COG7: variants seen among roughly 807,000 people sequenced by gnomAD.
COG7 encodes the protein component of oligomeric golgi complex 7.
COG7 carries 49 observed loss-of-function variants against 91.5 expected under a neutral mutation model. The ratio of observed to expected loss-of-function variants is 0.54; its 90% CI spans 0.43 to 0.68. The LOEUF is 0.68. COG7 is among the 30% of genes least tolerant of loss of function. The probability of loss-of-function intolerance (pLI) is 0.00; values close to 1 mark genes in which losing one functional copy is unlikely to be tolerated. For synonymous variants in COG7, 365 were observed against 388.7 expected, an observed-to-expected ratio of 0.94 and a Z score of 0.72; for missense variants, 895 against 961.3, an observed-to-expected ratio of 0.93 and a Z score of 0.91.
At chr16:23,419,233 G>A (rs907126712) in intron 7 of COG7, among the ~76,000 whole-genome samples, 25 of 151,890 alleles carry the variant, frequency 1.6e-4, no homozygotes, top group African/African-American at 5.3e-4. Flanking sequence ...TGGAGAAACC[G>A]AAACCTTGTC....
rs1162027722 is a variant in COG7, at chr16:23,388,961, G to A, written c.2272C>T (p.Leu758=). 2 of 1,614,052 alleles carry A rather than the reference G, an allele frequency of 1.2e-6. No homozygotes were observed. The highest frequency in any genetic ancestry group is 1.7e-6 in the Non-Finnish European group (2 of 1,180,020). ...RQVSKGLPRR[L]ATTVATMRSV... The stretch of plus-strand genomic sequence containing the variant: ...CGCATGGTGGCCACGGTGGTGGCCA[G>A]GCGACGGGGCAGGCCTTTGCTGACC... The change falls in exon 17 of 17, where the codon CTG becomes TTG. Residue 758 remains leucine (L), a synonymous_variant. Coordinates refer to ENST00000307149, the MANE Select transcript of COG7 (RefSeq NM_153603.4).
intron 13 of COG7, among the ~76,000 whole-genome samples, chr16:23,403,231 A>AAGAAAGGAAC (rs1226576012): frequency 3.3e-5 from 5 of 152,326 alleles, no homozygotes; most frequent in African/African-American, 1.2e-4. Context: ...GTATCAAGGA[A>AAGAAAGGAAC]AGAAAGGAAC....
intron 14 of COG7, among the ~76,000 whole-genome samples, chr16:23,397,732 T>C (rs973670852): frequency 1.3e-5 from 2 of 152,204 alleles, no homozygotes; most frequent in Non-Finnish European, 2.9e-5. Context: ...CAGAGAAGAA[T>C]TGGCCATCTG....
intron 2 of COG7, 52 bp from the exon 3 acceptor site, chr16:23,445,216 T>C (rs1964162549): frequency 8.0e-7 from 1 of 1,251,700 alleles, no homozygotes; most frequent in Non-Finnish European, 1.2e-6. Flanking sequence ...TTTTTCTCCA[T>C]CTGCCACCAG....
intron 7 of COG7, among the ~76,000 whole-genome samples, chr16:23,424,459 A>C (rs1046565914): frequency 6.6e-6 from 1 of 152,146 alleles, no homozygotes; most frequent in Non-Finnish European, 1.5e-5. Context: ...TACCTGCCTC[A>C]CTGTGATGCC....
intron 4 of COG7, 68 bp downstream of exon 4, chr16:23,442,409 C>G (rs1343833274): frequency 1.5e-5 from 21 of 1,355,350 alleles, no homozygotes; most frequent in Non-Finnish European, 2.0e-5. Flanking sequence ...ATTCTAAAAA[C>G]TGAAGACTTA....
intron 16 of COG7, among the ~76,000 whole-genome samples, chr16:23,391,234 G>A (rs1216754939): frequency 1.3e-5 from 2 of 152,210 alleles, no homozygotes; most frequent in Non-Finnish European, 2.9e-5. Flanking sequence ...TCTGCAGGGG[G>A]AGCTTAACAG....
chr16:23,449,897 C>T (rs1036863014), intron 1 of COG7, among the ~76,000 whole-genome samples: 4 of 152,014 alleles, frequency 2.6e-5, no homozygotes, highest in Admixed American at 1.3e-4. Flanking sequence ...AAAAGAGTGT[C>T]TGACATGTAC....
At chr16:23,438,082 T>C (rs1964039846) in intron 4 of COG7, among the ~76,000 whole-genome samples, 1 of 96,772 alleles carries the variant, frequency 1.0e-5, no homozygotes, top group African/African-American at 4.8e-5. Flanking sequence ...AGACTCCATC[T>C]CAAAAAAAAA....
At chr16:23,414,450 A>C (rs1963620351) in intron 9 of COG7, 1 of 152,280 alleles carries the variant, frequency 6.6e-6, no homozygotes, top group Non-Finnish European at 1.5e-5. Flanking sequence ...GTGACATGGC[A>C]AAACTTTGTC....
chr16:23,391,974 T>C (rs1317751195), intron 16 of COG7: 25 of 1,130,714 alleles, frequency 2.2e-5, no homozygotes, highest in Non-Finnish European at 2.7e-5. Context: ...CACAGGGGAG[T>C]TTGGAATTAC....
chr16:23,418,953 T>C, intron 7 of COG7, 126 bp from the exon 8 acceptor site: 1 of 804,464 alleles, frequency 1.2e-6, no homozygotes, highest in Non-Finnish European at 2.1e-6. Flanking sequence ...GACTATATTT[T>C]GTTAAGCAGC....
chr16:23,406,944 G>A (rs1479669115), intron 11 of COG7, among the ~76,000 whole-genome samples: 1 of 152,162 alleles, frequency 6.6e-6, no homozygotes, highest in Non-Finnish European at 1.5e-5. Flanking sequence ...CCTCCACCCT[G>A]TTTTCCTTAG....
At chr16:23,413,389 T>C in intron 10 of COG7, 59 bp downstream of exon 10, 2 of 896,002 alleles carry the variant, frequency 2.2e-6, no homozygotes, top group Non-Finnish European at 3.8e-6. Flanking sequence ...ATATACTATA[T>C]CATGCATGTT....
chr16:23,400,982 G>C (rs111625192), intron 13 of COG7, among the ~76,000 whole-genome samples: 173 of 151,064 alleles, frequency 1.1e-3, no homozygotes, highest in South Asian at 8.5e-4. Context: ...AAAAAAAAGG[G>C]GGGGGGGAAA....
intron 8 of COG7, among the ~76,000 whole-genome samples, chr16:23,418,381 T>C (rs948024317): frequency 1.3e-5 from 2 of 152,098 alleles, no homozygotes; most frequent in Admixed American, 6.6e-5. Flanking sequence ...GGTGCATGCC[T>C]GGAGTCCCAG....
intron 10 of COG7, chr16:23,412,693 T>C (rs1222570084): frequency 6.6e-6 from 1 of 152,206 alleles, no homozygotes; most frequent in Non-Finnish European, 1.5e-5. Context: ...TCACTGAACC[T>C]TTTTTGTTTT....
chr16:23,410,699 ATTATTTAT>A (rs896840716), intron 10 of COG7, among the ~76,000 whole-genome samples: 2 of 151,952 alleles, frequency 1.3e-5, no homozygotes, highest in African/African-American at 4.8e-5. Context: ...TCTAAAATTT[ATTATTTAT>A]TTATTTATTT....
chr16:23,389,212 G>T, intron 16 of COG7, 126 bp from the exon 17 acceptor site: 1 of 1,100,112 alleles, frequency 9.1e-7, no homozygotes, highest in Non-Finnish European at 1.3e-6. Flanking sequence ...GATGTGGGGC[G>T]CCAACCCTGC....
Sources: allele counts gnomAD v4.1 joint callset (sites outside exome capture counted in the v4.1 genomes callset), GRCh38; gene constraint gnomAD v4.1.1; transcripts MANE v1.5; gene names NCBI Gene and HGNC (gene_info 2026-07-23, HGNC 2026-07-21).